LHFPL6: variants seen among roughly 807,000 people sequenced by gnomAD.
LHFPL6 encodes the protein LHFPL tetraspan subfamily member 6.
A neutral mutation model predicts 20.6 loss-of-function variants in LHFPL6; 9 were observed. The ratio of observed to expected loss-of-function variants is 0.44; its 90% confidence interval spans 0.26 to 0.76. LHFPL6 has a LOEUF of 0.76. LHFPL6 is among the 30% of genes least tolerant of loss of function. LHFPL6 has a pLI of 0.20. For missense variants in LHFPL6, 218 were observed against 253.5 expected (o/e 0.86, Z 0.95); for synonymous variants, 105 against 98.7 (o/e 1.06, Z -0.38).
At chr13:39,375,031 A>G (rs1016022007) in intron 3 of LHFPL6, among the ~76,000 whole-genome samples, 3 of 152,260 alleles carry the variant, frequency 2.0e-5, no homozygotes, top group Non-Finnish European at 4.4e-5. Context: ...TATCAAAAAC[A>G]GCACGTCAAC....
At chr13:39,583,874 G>A (rs541392599) in intron 2 of LHFPL6, among the ~76,000 whole-genome samples, 2 of 151,928 alleles carry the variant, frequency 1.3e-5, no homozygotes, top group African/African-American at 2.4e-5. Flanking sequence ...CGTGTCCTCC[G>A]GTCTAGTGTG....
intron 2 of LHFPL6, among the ~76,000 whole-genome samples, chr13:39,590,382 G>C (rs1192666696): frequency 6.6e-6 from 1 of 152,150 alleles, no homozygotes; most frequent in Non-Finnish European, 1.5e-5. Flanking sequence ...CCAAAACCAA[G>C]TGCTTCTCAA....
At chr13:39,389,107 G>A (rs1870642093) in intron 2 of LHFPL6, among the ~76,000 whole-genome samples, 1 of 152,166 alleles carries the variant, frequency 6.6e-6, no homozygotes, top group Non-Finnish European at 1.5e-5. Flanking sequence ...CAGATTTGGG[G>A]GTTGCATTCC....
intron 2 of LHFPL6, among the ~76,000 whole-genome samples, chr13:39,520,402 A>C (rs937303019): frequency 6.6e-6 from 1 of 152,188 alleles, no homozygotes; most frequent in African/African-American, 2.4e-5. Flanking sequence ...TAGGAGGAGG[A>C]ATACTGAAAG....
chr13:39,553,503 G>C (rs1323754916), intron 2 of LHFPL6, among the ~76,000 whole-genome samples: 1 of 152,164 alleles, frequency 6.6e-6, no homozygotes, highest in East Asian at 1.9e-4. Flanking sequence ...CTTGAGCTCA[G>C]GAGTTCAAGA....
At chr13:39,480,574 G>T (rs1320618752) in intron 2 of LHFPL6, among the ~76,000 whole-genome samples, 1 of 152,126 alleles carries the variant, frequency 6.6e-6, no homozygotes, top group Non-Finnish European at 1.5e-5. Context: ...AGGTCTTAGA[G>T]AAAATGCCAT....
intron 2 of LHFPL6, among the ~76,000 whole-genome samples, chr13:39,567,334 A>T (rs1005097545): frequency 2.0e-4 from 31 of 152,228 alleles, no homozygotes; most frequent in African/African-American, 7.5e-4. Flanking sequence ...CATTACCAAA[A>T]TTTTAAATTC....
At chr13:39,417,801 G>A (rs1430545866) in intron 2 of LHFPL6, among the ~76,000 whole-genome samples, 1 of 152,184 alleles carries the variant, frequency 6.6e-6, no homozygotes. Context: ...CTGGGGTGGT[G>A]ACAAGGAGAC....
chr13:39,380,328 C>T (rs2138361370), intron 2 of LHFPL6, among the ~76,000 whole-genome samples: 1 of 152,120 alleles, frequency 6.6e-6, no homozygotes, highest in East Asian at 1.9e-4. Context: ...AACATTTAAG[C>T]CAGGGGGACC....
chr13:39,581,665 G>C (rs6563728), intron 2 of LHFPL6, among the ~76,000 whole-genome samples: 9 of 150,768 alleles, frequency 6.0e-5, no homozygotes, highest in Admixed American at 5.9e-4. Context: ...TTTTGTTAAT[G>C]AACATCATAA....
intron 3 of LHFPL6, among the ~76,000 whole-genome samples, chr13:39,374,548 A>T (rs1482068670): frequency 3.0e-5 from 3 of 101,314 alleles, no homozygotes; most frequent in East Asian, 2.5e-4. Context: ...TGAAATTATA[A>T]AAAAAAAAAA....
intron 3 of LHFPL6, among the ~76,000 whole-genome samples, chr13:39,364,566 G>A (rs1193727744): frequency 1.3e-5 from 2 of 152,212 alleles, no homozygotes; most frequent in South Asian, 4.1e-4. Context: ...TCAGCAGGAC[G>A]AGTGGAGCGG....
chr13:39,455,775 A>G (rs1407299351), intron 2 of LHFPL6, among the ~76,000 whole-genome samples: 2 of 152,228 alleles, frequency 1.3e-5, no homozygotes, highest in African/African-American at 4.8e-5. Context: ...ACCATGTGAG[A>G]CAGCAGAGAA....
intron 2 of LHFPL6, among the ~76,000 whole-genome samples, chr13:39,536,935 T>C (rs1870637397): frequency 6.6e-6 from 1 of 152,246 alleles, no homozygotes; most frequent in Admixed American, 6.5e-5. Context: ...GTCTCCTCTC[T>C]GTACCTATTC....
At chr13:39,547,581 G>A (rs1482329436) in intron 2 of LHFPL6, among the ~76,000 whole-genome samples, 1 of 151,998 alleles carries the variant, frequency 6.6e-6, no homozygotes, top group Non-Finnish European at 1.5e-5. Flanking sequence ...TGAACATTTT[G>A]CAAAACAGTG....
At chr13:39,483,739 C>CTCAG (rs940769763) in intron 2 of LHFPL6, among the ~76,000 whole-genome samples, 1 of 152,084 alleles carries the variant, frequency 6.6e-6, no homozygotes, top group African/African-American at 2.4e-5. Flanking sequence ...ATGTAAATAG[C>CTCAG]TTATTGACTG....
chr13:39,484,786 T>C (rs1421079414), intron 2 of LHFPL6, among the ~76,000 whole-genome samples: 1 of 152,128 alleles, frequency 6.6e-6, no homozygotes, highest in African/African-American at 2.4e-5. Context: ...CGGAGGGGGA[T>C]GAATGAGGAG....
intron 2 of LHFPL6, among the ~76,000 whole-genome samples, chr13:39,491,324 G>A (rs139237563): frequency 1.7e-3 from 257 of 152,256 alleles, no homozygotes; most frequent in African/African-American, 5.8e-3. Context: ...AGCTGGGTTC[G>A]CGTAAGGGAT....
chr13:39,476,043 G>A (rs945793242), intron 2 of LHFPL6, among the ~76,000 whole-genome samples: 9 of 152,096 alleles, frequency 5.9e-5, no homozygotes, highest in Non-Finnish European at 1.2e-4. Flanking sequence ...GTTATTTCAG[G>A]TGAACTAAAA....
Sources: allele counts gnomAD v4.1 joint callset (sites outside exome capture counted in the v4.1 genomes callset), GRCh38; gene constraint gnomAD v4.1.1; transcripts MANE v1.5; gene names NCBI Gene and HGNC (gene_info 2026-07-23, HGNC 2026-07-21).